The following MRTFB variants were observed in gnomAD, a reference collection of about 807,000 sequenced individuals.
The protein encoded by MRTFB is myocardin related transcription factor B.
MRTFB carries 29 observed loss-of-function variants against 104.2 expected under a neutral mutation model. That is an observed-to-expected ratio of 0.28 (90% CI 0.21 to 0.38). The LOEUF is 0.38. MRTFB is among the 10% of genes least tolerant of loss of function. MRTFB has a pLI of 1.00. For synonymous variants in MRTFB, 535 were observed against 519.5 expected (o/e 1.03, Z -0.41); for missense variants, 1,270 against 1,341.6 (o/e 0.95, Z 0.83).
intron 15 of MRTFB, among the ~76,000 whole-genome samples, chr16:14,255,523 T>A (rs1268949803): frequency 6.6e-6 from 1 of 152,206 alleles, no homozygotes; most frequent in African/African-American, 2.4e-5. Flanking sequence ...CAGAATTCTA[T>A]TATCATGTTA....
intron 2 of MRTFB, among the ~76,000 whole-genome samples, chr16:14,132,801 T>C (rs1015485172): frequency 2.0e-5 from 3 of 152,186 alleles, no homozygotes; most frequent in African/African-American, 7.2e-5. Flanking sequence ...ATTCCCTTTG[T>C]TTCAGGACAT....
At chr16:14,036,296 T>TTATATATATA in the MRTFB span, among the ~76,000 whole-genome samples, 740 of 98,262 alleles carry the variant, frequency 7.5e-3, 13 homozygotes, top group African/African-American at 0.021. Context: ...TTATATATAT[T>TTATATATATA]TATATATATA....
At chr16:14,047,618 G>A in the MRTFB span, among the ~76,000 whole-genome samples, 4 of 152,216 alleles carry the variant, frequency 2.6e-5, no homozygotes, top group African/African-American at 7.2e-5. Flanking sequence ...CAAAAGGCAT[G>A]TCTTACATGG....
At chr16:14,071,419 G>C (rs1007417211) in intron 1 of MRTFB, 54 bp downstream of exon 1, 4 of 153,230 alleles carry the variant, frequency 2.6e-5, no homozygotes, top group Non-Finnish European at 5.8e-5. Flanking sequence ...GAGAGCGGCC[G>C]AGACCGAGGG....
rs2042972625 is a variant in MRTFB, at chr16:14,245,508, A to T, written c.1080-20A>T. 6.3e-7 allele frequency: 1 copy of T among 1,592,508 alleles called. No homozygotes were observed. The highest frequency in any genetic ancestry group is 8.5e-7 in the Non-Finnish European group (1 of 1,173,048). Reference sequence around the variant, plus strand: ...AGAAATTATTTTATTATAAACTCTAATTTTTGTTTTCTTTTGAAGGCCACT... The same window carrying T: ...AGAAATTATTTTATTATAAACTCTATTTTTTGTTTTCTTTTGAAGGCCACT... On this transcript the variant is annotated intron_variant, in intron 10 of 16. Transcript: ENST00000571589.
At chr16:14,173,215 A>G (rs2039479388) in intron 3 of MRTFB, among the ~76,000 whole-genome samples, 1 of 151,876 alleles carries the variant, frequency 6.6e-6, no homozygotes, top group African/African-American at 2.4e-5. Context: ...TTTTTTCCAT[A>G]TGAACTTGAG....
At chr16:14,009,830 G>A in the MRTFB span, 1 of 152,132 alleles carries the variant, frequency 6.6e-6, no homozygotes, top group African/African-American at 2.4e-5. Context: ...AAAGGAGAAG[G>A]TTAAATCACA....
intron 3 of MRTFB, among the ~76,000 whole-genome samples, chr16:14,164,314 G>C (rs972089212): frequency 6.6e-6 from 1 of 152,076 alleles, no homozygotes; most frequent in Non-Finnish European, 1.5e-5. Flanking sequence ...GAGTGAGAAC[G>C]TGCAGTATTT....
chr16:14,076,430 G>C (rs140270824), intron 1 of MRTFB, among the ~76,000 whole-genome samples: 2,170 of 152,184 alleles, frequency 0.014, 50 homozygotes, highest in African/African-American at 0.046. Context: ...CCTGACCTCA[G>C]GTTATCCACC....
chr16:14,014,278 G>A, the MRTFB span, among the ~76,000 whole-genome samples: 1 of 152,210 alleles, frequency 6.6e-6, no homozygotes, highest in Non-Finnish European at 1.5e-5. Flanking sequence ...GGGCAAGGTG[G>A]CTCATGCCTG....
chr16:14,100,060 C>T (rs1401916590), intron 2 of MRTFB, among the ~76,000 whole-genome samples: 2 of 152,194 alleles, frequency 1.3e-5, no homozygotes, highest in Non-Finnish European at 2.9e-5. Context: ...AGTTTTACTT[C>T]TTCCTTTCTA....
At chr16:14,021,920 CG>C in the MRTFB span, among the ~76,000 whole-genome samples, 1 of 152,036 alleles carries the variant, frequency 6.6e-6, no homozygotes, top group Admixed American at 6.6e-5. Context: ...ACTTATTTCC[CG>C]CCGGGTAGAT....
rs74275913 is a variant in MRTFB, at chr16:14,225,656, G to GCATTCATTCATT, written c.693+6686_693+6697dup. Reference sequence around the variant, plus strand: ...GCTGTCCACACCTGCCATCCAGAAAGCATTCATTCATTCATTCATTCATTC... The same window carrying GCATTCATTCATT: ...GCTGTCCACACCTGCCATCCAGAAAGCATTCATTCATTCATTCATTCATTCATTCATTCATTC... On this transcript the variant is annotated intron_variant, in intron 8 of 16. Transcript: ENST00000571589. Among the ~76,000 whole-genome samples, 1,251 of 151,278 alleles carry GCATTCATTCATT rather than the reference G, an allele frequency of 8.3e-3. 22 individuals are homozygous for GCATTCATTCATT. The highest frequency in any genetic ancestry group is 0.029 in the African/African-American group (1,166 of 40,884).
chr16:14,109,969 G>C (rs2036186617), intron 2 of MRTFB, among the ~76,000 whole-genome samples: 1 of 152,164 alleles, frequency 6.6e-6, no homozygotes, highest in Non-Finnish European at 1.5e-5. Context: ...CTGTTCCTGA[G>C]TCAGAAAAGG....
At chr16:14,052,778 ATTG>A in the MRTFB span, among the ~76,000 whole-genome samples, 1 of 151,946 alleles carries the variant, frequency 6.6e-6, no homozygotes, top group African/African-American at 2.4e-5. Context: ...TATACAATAA[ATTG>A]TTGTTAACCA....
intron 2 of MRTFB, chr16:14,092,779 G>A (rs1249530327): frequency 6.6e-6 from 1 of 152,090 alleles, no homozygotes; most frequent in East Asian, 1.9e-4. Flanking sequence ...AATACAGATT[G>A]TACTAAGAAA....
the MRTFB span, among the ~76,000 whole-genome samples, chr16:14,008,276 G>C: frequency 6.6e-6 from 1 of 152,128 alleles, no homozygotes; most frequent in Admixed American, 6.5e-5. Flanking sequence ...AGAATCCATT[G>C]ACTAATCCAA....
intron 12 of MRTFB, chr16:14,248,720 G>T (rs1212788081): frequency 3.9e-6 from 2 of 507,426 alleles, no homozygotes; most frequent in Non-Finnish European, 6.9e-6. Flanking sequence ...AATAATAAGA[G>T]CATGCAGTGA....
At chr16:14,242,019 G>T (rs2042795546) in intron 10 of MRTFB, among the ~76,000 whole-genome samples, 1 of 150,204 alleles carries the variant, frequency 6.7e-6, no homozygotes. Context: ...TAATGGTAAT[G>T]ATGTCTCACA....
Sources: gnomAD v4.1 joint callset for allele counts (sites outside exome capture counted in the v4.1 genomes callset) on GRCh38, gnomAD v4.1.1 for gene constraint, MANE v1.5 for transcripts, NCBI Gene and HGNC (gene_info 2026-07-23, HGNC 2026-07-21) for gene names.